Variants in TMEM248 observed in about 807,000 individuals in gnomAD.
TMEM248 encodes the protein UPF0458 protein C7orf42.
Under a neutral mutation model 30.3 loss-of-function variants are expected in TMEM248, and 9 were observed. The ratio of observed to expected loss-of-function variants is 0.30; its 90% CI spans 0.18 to 0.52. The LOEUF (loss-of-function observed/expected upper bound fraction) is 0.52. Ranked by LOEUF, TMEM248 falls within the 20% of genes least tolerant of loss-of-function variation. The pLI is 0.97. For missense variants in TMEM248, 338 were observed against 403.3 expected (o/e 0.84, Z 1.39); for synonymous variants, 184 against 154.4 (o/e 1.19, Z -1.42).
intron 1 of TMEM248, among the ~76,000 whole-genome samples, chr7:66,941,598 A>ACACAC (rs1444267298): frequency 6.8e-6 from 1 of 146,580 alleles, no homozygotes; most frequent in Non-Finnish European, 1.5e-5. Context: ...ACACACACAC[A>ACACAC]ATATTTAGAA....
At chr7:66,930,551 A>G (rs1235135522) in intron 1 of TMEM248, 1 of 152,314 alleles carries the variant, frequency 6.6e-6, no homozygotes, top group Non-Finnish European at 1.5e-5. Flanking sequence ...CAGCCCAGAG[A>G]TTACTGGAGA....
At chr7:66,933,409 G>C (rs1386881541) in intron 1 of TMEM248, among the ~76,000 whole-genome samples, 1 of 152,224 alleles carries the variant, frequency 6.6e-6, no homozygotes, top group Non-Finnish European at 1.5e-5. Flanking sequence ...TGTTGGATAT[G>C]TAGTTTTCCA....
chr7:66,944,422 G>A (rs908663789), intron 2 of TMEM248, among the ~76,000 whole-genome samples: 7 of 152,032 alleles, frequency 4.6e-5, no homozygotes, highest in Admixed American at 6.5e-5. Flanking sequence ...TTTTGAAATC[G>A]TTGCTGCTCT....
intron 1 of TMEM248, among the ~76,000 whole-genome samples, chr7:66,938,620 G>T (rs534160078): frequency 1.3e-5 from 2 of 152,290 alleles, no homozygotes; most frequent in South Asian, 4.1e-4. Flanking sequence ...TGATTCTCCT[G>T]CTTCAGCCTC....
chr7:66,953,401 T>A, intron 6 of TMEM248, 32 bp downstream of exon 6: 1 of 1,608,926 alleles, frequency 6.2e-7, no homozygotes, highest in South Asian at 1.1e-5. Context: ...GGCCAGCATT[T>A]TACTAGAGGT....
At chr7:66,955,399 T>C in intron 6 of TMEM248, 103 bp from the exon 7 acceptor site, 1 of 1,301,676 alleles carries the variant, frequency 7.7e-7, no homozygotes, top group South Asian at 1.3e-5. Context: ...CTTCACTGTC[T>C]GGTTGATATG....
intron 3 of TMEM248, among the ~76,000 whole-genome samples, chr7:66,946,357 C>T (rs1333051340): frequency 6.6e-6 from 1 of 151,840 alleles, no homozygotes; most frequent in African/African-American, 2.4e-5. Context: ...GTGGGTGGAT[C>T]ACTTGAGGTC....
chr7:66,941,547 A>ACCCTGTT (rs1694641529), intron 1 of TMEM248, among the ~76,000 whole-genome samples: 1 of 145,668 alleles, frequency 6.9e-6, no homozygotes, highest in Non-Finnish European at 1.5e-5. Context: ...AGAACGAGAG[A>ACCCTGTT]CCCTGTTTCT....
chr7:66,936,760 C>G (rs1020096486), intron 1 of TMEM248, among the ~76,000 whole-genome samples: 8 of 152,230 alleles, frequency 5.3e-5, no homozygotes, highest in African/African-American at 1.9e-4. Flanking sequence ...TCGTGGTAGC[C>G]TGTAATGATC....
chr7:66,941,401 A>T (rs1791948846), intron 1 of TMEM248, among the ~76,000 whole-genome samples: 1 of 151,746 alleles, frequency 6.6e-6, no homozygotes, highest in African/African-American at 2.4e-5. Context: ...AAAGAAAAAA[A>T]AAAATTAGCC....
intron 6 of TMEM248, among the ~76,000 whole-genome samples, chr7:66,953,767 A>C (rs1201736949): frequency 6.6e-6 from 1 of 151,146 alleles, no homozygotes; most frequent in Non-Finnish European, 1.5e-5. Flanking sequence ...ACCGCGTCCC[A>C]CTAAGTTTTT....
intron 2 of TMEM248, among the ~76,000 whole-genome samples, chr7:66,943,870 T>C (rs922867101): frequency 2.0e-5 from 3 of 151,780 alleles, no homozygotes; most frequent in Non-Finnish European, 4.4e-5. Context: ...CGATCTTGGC[T>C]CACTTCAGCC....
chr7:66,930,318 G>T (rs975918685), intron 1 of TMEM248, among the ~76,000 whole-genome samples: 7 of 152,176 alleles, frequency 4.6e-5, no homozygotes, highest in Non-Finnish European at 8.8e-5. Context: ...AGGTGAGTAG[G>T]TACATAAAAT....
At chr7:66,923,370 GACCTCA>G in intron 1 of TMEM248, among the ~76,000 whole-genome samples, 1 of 152,130 alleles carries the variant, frequency 6.6e-6, no homozygotes, top group South Asian at 2.1e-4. Context: ...TTGAACTCCT[GACCTCA>G]GGTGATCTGC....
At chr7:66,941,505 T>C (rs1425449346) in intron 1 of TMEM248, among the ~76,000 whole-genome samples, 1 of 151,692 alleles carries the variant, frequency 6.6e-6, no homozygotes, top group Non-Finnish European at 1.5e-5. Flanking sequence ...CCGTGAGCTA[T>C]GATCACGCCA....
In TMEM248 at chr7:66,940,485, G is replaced by A. The variant is rs111620261; in HGVS notation, c.-18-1363G>A. ...CAAGGCTCTTTGACTAGCAGACAAC[G>A]TTGTTTGTTAAGAGAGCAGCACTCC... On this transcript the variant is annotated intron_variant, in intron 1 of 6. Transcript: ENST00000341567. Among the ~76,000 whole-genome samples the A allele has an allele frequency of 1.3e-3, 194 of 152,340 alleles. 1 individual carries two copies. The highest frequency in any genetic ancestry group is 4.5e-3 in the African/African-American group (186 of 41,576).
chr7:66,953,469 C>T (rs748832844), intron 6 of TMEM248, 100 bp downstream of exon 6: 74 of 1,460,790 alleles, frequency 5.1e-5, no homozygotes, highest in Non-Finnish European at 6.1e-5. Flanking sequence ...TGGCACCTTT[C>T]GTCTAAAGAA....
intron 1 of TMEM248, among the ~76,000 whole-genome samples, chr7:66,933,642 G>A (rs1049472239): frequency 6.6e-6 from 1 of 152,156 alleles, no homozygotes; most frequent in Non-Finnish European, 1.5e-5. Flanking sequence ...TAACTTGTGG[G>A]TTGCTAGAGA....
chr7:66,927,642 G>T (rs566111939), intron 1 of TMEM248, among the ~76,000 whole-genome samples: 2 of 148,882 alleles, frequency 1.3e-5, no homozygotes, highest in African/African-American at 4.9e-5. Flanking sequence ...TTTTTTTTAG[G>T]GACGGGGTCT....
Sources: gnomAD v4.1 joint callset for allele counts (sites outside exome capture counted in the v4.1 genomes callset) on GRCh38, gnomAD v4.1.1 for gene constraint, MANE v1.5 for transcripts, NCBI Gene and HGNC (gene_info 2026-07-23, HGNC 2026-07-21) for gene names.